The following MROH7 variants were observed in gnomAD, a reference collection of about 807,000 sequenced individuals.
The protein encoded by MROH7 is maestro heat like repeat family member 7.
Under a neutral mutation model 129.2 loss-of-function variants are expected in MROH7, and 113 were observed. The ratio of observed to expected loss-of-function variants is 0.87; its 90% CI spans 0.75 to 1.02. The LOEUF is 1.02. Among genes scored for constraint, MROH7 ranks in the 50% least tolerant of loss-of-function variants. The probability of loss-of-function intolerance (pLI) is 0.00; values close to 1 mark genes in which losing one functional copy is unlikely to be tolerated. For synonymous variants in MROH7, 655 were observed against 667.9 expected, an observed-to-expected ratio of 0.98 and a Z score of 0.30; for missense variants, 1,601 against 1,671.3, an observed-to-expected ratio of 0.96 and a Z score of 0.73.
Position 54,702,622 on chromosome 1 carries a change from G to C in MROH7, c.3442-1G>C. On this transcript the variant is annotated splice_acceptor_variant, in intron 20 of 23. Coordinates refer to ENST00000421030, the MANE Select transcript of MROH7 (RefSeq NM_001039464.4). LOFTEE classifies it high-confidence loss of function. ...GATATTTTCTTCCTATTGGTTCCCA[G>C]AAGTGTGTGAAGACCCTGTTACGCT... The C allele has an allele frequency of 1.2e-6, 2 of 1,604,746 alleles. No homozygotes were observed. The highest frequency in any genetic ancestry group is 1.7e-6 in the Non-Finnish European group (2 of 1,175,350).
intron 23 of MROH7, 80 bp from the exon 24 acceptor site, chr1:54,709,866 G>A (rs1328381435): frequency 6.5e-7 from 1 of 1,532,434 alleles, no homozygotes; most frequent in Non-Finnish European, 8.9e-7. Flanking sequence ...GCCAAGGCAT[G>A]GAGATGGGAA....
chr1:54,653,550 T>C lies in MROH7; in HGVS notation c.624T>C (p.Ser208=). 1.9e-6 allele frequency: 3 copies of C among 1,614,134 alleles called. No individual in the cohort carries two copies. Among genetic ancestry groups the C allele is most frequent in the Non-Finnish European group, 2.5e-6 (3 of 1,180,034 alleles). The change falls in exon 3 of 24, where the codon TCT becomes TCC. Residue 208 remains serine, a synonymous_variant. Transcript: ENST00000421030. ...CACTCCTTATTCCAACCTCAAACTCTTCTCTGGACCTTGACTCCAATCCAT... is the reference window on the plus strand; with the variant it reads ...CACTCCTTATTCCAACCTCAAACTCCTCTCTGGACCTTGACTCCAATCCAT... The part of the protein sequence containing the change: ...SKALLIPTSN[S]SLDLDSNPLL...
Position 54,653,968 on chromosome 1 carries a change from A to G in MROH7, c.1042A>G (p.Thr348Ala), listed in dbSNP as rs751964538. 2.7e-5 allele frequency: 44 copies of G among 1,613,986 alleles called. No individual in the cohort carries two copies. Among genetic ancestry groups the G allele is most frequent in the African/African-American group, 1.3e-5 (1 of 74,908 alleles). ...GGACTCCAGCCTCCTGTTCAGCGAC[A>G]CCTCCACCTTGACGCTGAGCAGTCA... ...SLDSSLLFSD[T>A]STLTLSSQQD... Residue 348 changes from threonine to alanine, a missense_variant, in exon 3 of 24, where the codon ACC becomes GCC. Thr to Ala is a moderately conservative substitution (Grantham distance 58). Transcript: ENST00000421030.
At chr1:54,706,214 G>A (rs1010851826) in intron 21 of MROH7, among the ~76,000 whole-genome samples, 2 of 152,048 alleles carry the variant, frequency 1.3e-5, no homozygotes, top group Non-Finnish European at 2.9e-5. Flanking sequence ...CAGCAGGGGG[G>A]TAAATTGGAA....
intron 12 of MROH7, 136 bp from the exon 13 acceptor site, chr1:54,679,755 C>A (rs992067166): frequency 5.9e-6 from 5 of 853,226 alleles, no homozygotes; most frequent in African/African-American, 1.7e-5. Context: ...CTGCTTGCCT[C>A]TTCCTCTCTC....
chr1:54,687,550 T>C (rs527266159), intron 15 of MROH7, among the ~76,000 whole-genome samples: 1 of 152,344 alleles, frequency 6.6e-6, no homozygotes, highest in South Asian at 2.1e-4. Flanking sequence ...TGATTTTATA[T>C]GTAGGACAAT....
At position 54,706,661 on chromosome 1, in the gene MROH7, G is replaced by T. The variant is rs1645539526; in HGVS notation, c.3667+124G>T. The T allele has an allele frequency of 8.7e-6, 6 of 685,948 alleles. No homozygotes were observed. In the South Asian group the frequency reaches 1.0e-4, roughly 12 times the overall value. The allele number at this position is 685,948 out of a possible 1,614,324, so 42.5% of individuals were successfully genotyped here. On this transcript the variant is annotated intron_variant, in intron 22 of 23. Transcript: ENST00000421030. ...TGCTTCCCTTTGGGTGCAAGGCTTG[G>T]CCACCAGACAGCCATGGTGAAAGTT...
Position 54,710,060 on chromosome 1 carries a change from C to T in MROH7, c.3845C>T (p.Ser1282Leu), listed in dbSNP as rs764155835. 5.0e-6 allele frequency: 8 copies of T among 1,614,146 alleles called. No homozygotes were observed. The highest frequency in any genetic ancestry group is 6.8e-6 in the Non-Finnish European group (8 of 1,180,032). The change falls in exon 24 of 24, where the codon TCA becomes TTA. Residue 1282 changes from serine to leucine, a missense_variant. Coordinates refer to ENST00000421030, the MANE Select transcript of MROH7 (RefSeq NM_001039464.4). ...WQNSWLPHGN[S>L]WVCYSATTHR... ...AACTCCTGGCTGCCGCACGGGAACT[C>T]ATGGGTGTGTTACTCAGCCACCACC...
At chr1:54,646,641 T>C (rs1644471546) in intron 1 of MROH7, among the ~76,000 whole-genome samples, 2 of 150,846 alleles carry the variant, frequency 1.3e-5, no homozygotes, top group Non-Finnish European at 1.5e-5. Context: ...TCACATCCAT[T>C]AAAAAAAAAT....
At chr1:54,659,419 A>G (rs984566924) in intron 3 of MROH7, among the ~76,000 whole-genome samples, 1 of 149,162 alleles carries the variant, frequency 6.7e-6, no homozygotes, top group Non-Finnish European at 1.5e-5. Flanking sequence ...AGTAGCTGGG[A>G]TTACAGGTGT....
At chr1:54,708,556 G>A (rs902310623) in intron 22 of MROH7, among the ~76,000 whole-genome samples, 5 of 152,214 alleles carry the variant, frequency 3.3e-5, no homozygotes, top group African/African-American at 9.6e-5. Flanking sequence ...CATCAGAGGA[G>A]TCATCAGAAA....
chr1:54,667,772 TAAAAA>T (rs36015308), intron 4 of MROH7, among the ~76,000 whole-genome samples: 1 of 145,142 alleles, frequency 6.9e-6, no homozygotes, highest in Non-Finnish European at 1.5e-5. Flanking sequence ...ATTTACAAAG[TAAAAA>T]AAAAAAAAAT....
rs757901645 is a variant in MROH7 at position 54,673,788 on chromosome 1, C to T, written c.1783C>T (p.Leu595=). 7 of 1,613,952 alleles carry T rather than the reference C, an allele frequency of 4.3e-6. No homozygotes were observed. Among genetic ancestry groups the T allele is most frequent in the Non-Finnish European group, 5.9e-6 (7 of 1,179,810 alleles). The change falls in exon 9 of 24, where the codon CTA becomes TTA. Residue 595 remains leucine, a synonymous_variant. Coordinates refer to ENST00000421030, the MANE Select transcript of MROH7 (RefSeq NM_001039464.4). ...TGTCTCTGTGTTGAACCACATGCTT[C>T]TAACTCTGCCTTTCTTTGTGAGTGG... ...TNVSVLNHML[L]TLPFFMPLGF...
chr1:54,673,491 G>C (rs978780638), intron 8 of MROH7, among the ~76,000 whole-genome samples: 1 of 152,072 alleles, frequency 6.6e-6, no homozygotes. Flanking sequence ...CTCTTCATCT[G>C]TCTCCTCATT....
chr1:54,665,269 C>T, intron 4 of MROH7, 29 bp downstream of exon 4: 1 of 1,590,300 alleles, frequency 6.3e-7, no homozygotes, highest in Non-Finnish European at 8.6e-7. Context: ...CCCTAGCTGA[C>T]TGTGCTGGGA....
chr1:54,682,165 T>C (rs1415226133), intron 13 of MROH7, among the ~76,000 whole-genome samples: 13 of 151,014 alleles, frequency 8.6e-5, no homozygotes, highest in East Asian at 3.9e-4. Flanking sequence ...TCTTTCTTTT[T>C]TTTTTTTTTT....
chr1:54,676,762 G>A (rs983013528), intron 10 of MROH7, among the ~76,000 whole-genome samples: 3 of 150,830 alleles, frequency 2.0e-5, no homozygotes, highest in East Asian at 2.0e-4. Context: ...AGGCTGGAGT[G>A]CAGTGGTGCG....
intron 13 of MROH7, among the ~76,000 whole-genome samples, chr1:54,680,274 T>C (rs1412763239): frequency 6.6e-6 from 1 of 152,188 alleles, no homozygotes; most frequent in Non-Finnish European, 1.5e-5. Flanking sequence ...ATTCTGCAGA[T>C]GAGGAAACCA....
rs1341171998 is a variant in MROH7, at chr1:54,653,073, G to T, written c.147G>T (p.Leu49=). The T allele has an allele frequency of 1.9e-6, 3 of 1,614,004 alleles. No homozygotes were observed. The African/African-American group carries it at 4.0e-5, about 22-fold the overall frequency. The change falls in exon 3 of 24, where the codon CTG becomes CTT. Residue 49 remains leucine (L), a synonymous_variant. Coordinates refer to ENST00000421030, the MANE Select transcript of MROH7 (RefSeq NM_001039464.4). ...PDMAQVPMLN[L]LPSPGLALVP... ...TGGCTCAGGTGCCTATGTTGAATCT[G>T]CTCCCAAGTCCTGGCTTGGCTCTCG...
Sources: gnomAD v4.1 joint callset for allele counts (sites outside exome capture counted in the v4.1 genomes callset) on GRCh38, gnomAD v4.1.1 for gene constraint, MANE v1.5 for transcripts, NCBI Gene and HGNC (gene_info 2026-07-23, HGNC 2026-07-21) for gene names.